The following KIFBP variants were observed in gnomAD, a reference collection of about 807,000 sequenced individuals.
KIFBP encodes the protein kinesin family binding protein.
KIFBP carries 46 observed loss-of-function variants against 58.9 expected under a neutral mutation model. That is an observed-to-expected ratio of 0.78 (90% CI 0.62 to 1.00). The LOEUF (loss-of-function observed/expected upper bound fraction) is 1.00. Among genes scored for constraint, KIFBP ranks in the 50% least tolerant of loss-of-function variants. The probability of loss-of-function intolerance (pLI) is 0.00; values close to 1 mark genes in which losing one functional copy is unlikely to be tolerated. For missense variants in KIFBP, 651 were observed against 752.9 expected, an observed-to-expected ratio of 0.86 and a Z score of 1.58; for synonymous variants, 241 against 283.4, an observed-to-expected ratio of 0.85 and a Z score of 1.50.
intron 1 of KIFBP, among the ~76,000 whole-genome samples, chr10:68,999,413 T>A (rs77379383): frequency 0.37 from 55,624 of 149,894 alleles, 11,336 homozygotes; most frequent in Non-Finnish European, 0.48. Context: ...CTTTTTTTTT[T>A]AAAAAAAAAG....
At chr10:69,005,961 A>G in intron 4 of KIFBP, 46 bp downstream of exon 4, 1 of 1,520,708 alleles carries the variant, frequency 6.6e-7, no homozygotes, top group South Asian at 1.1e-5. Context: ...AATAGTGAGT[A>G]TAAAAATAGA....
At position 68,988,838 on chromosome 10, in the gene KIFBP, G is replaced by T. The variant is rs370609098; in HGVS notation, c.6G>T (p.Ala2=). M[A]NVPWAEVCEK... Reference sequence around the variant, plus strand: ...GCCAGGCAGTAGAGGCCGCTATGGCGAACGTTCCGTGGGCAGAGGTCTGCG... The same window carrying T: ...GCCAGGCAGTAGAGGCCGCTATGGCTAACGTTCCGTGGGCAGAGGTCTGCG... The change falls in exon 1 of 7, where the codon GCG becomes GCT. Residue 2 remains alanine (A), a synonymous_variant. Transcript: ENST00000361983. 5.6e-6 allele frequency: 9 copies of T among 1,614,144 alleles called. No individual in the cohort carries two copies. The African/African-American group carries it at 1.1e-4, about 19-fold the overall frequency.
chr10:69,005,851 A>G lies in KIFBP; in HGVS notation c.725A>G (p.Asn242Ser). 1.9e-6 allele frequency: 3 copies of G among 1,614,134 alleles called. No individual in the cohort carries two copies. Among genetic ancestry groups the G allele is most frequent in the Non-Finnish European group, 2.5e-6 (3 of 1,180,010 alleles). ...ACACTAAAACGCCAGCTTGAGCACA[A>G]TGCCTACCATCCTATAGAGTGGGCT... ...HSTLKRQLEH[N>S]AYHPIEWAIN... The change falls in exon 4 of 7, where the codon AAT (asparagine) becomes AGT (serine). Residue 242 changes from asparagine (N) to serine (S), a missense_variant. By Grantham distance (46) the Asn-to-Ser change is conservative. Transcript: ENST00000361983.
intron 1 of KIFBP, among the ~76,000 whole-genome samples, chr10:68,996,076 A>G (rs566944777): frequency 6.6e-6 from 1 of 152,000 alleles, no homozygotes; most frequent in South Asian, 2.1e-4. Context: ...AAGAATCGCT[A>G]GAACCCGGGA....
intron 5 of KIFBP, 119 bp downstream of exon 5, chr10:69,009,044 C>T (rs1306537605): frequency 4.0e-6 from 3 of 744,920 alleles, no homozygotes; most frequent in African/African-American, 3.6e-5. Flanking sequence ...CTAAATGCAC[C>T]AATTTTTAGT....
chr10:68,993,980 A>G (rs1444147506), intron 1 of KIFBP, among the ~76,000 whole-genome samples: 4 of 152,190 alleles, frequency 2.6e-5, no homozygotes, highest in African/African-American at 9.7e-5. Context: ...AGTTATTGCC[A>G]TTTCTTAAGT....
chr10:68,998,657 G>T (rs1589294627), intron 1 of KIFBP, among the ~76,000 whole-genome samples: 1 of 150,860 alleles, frequency 6.6e-6, no homozygotes, highest in East Asian at 1.9e-4. Flanking sequence ...ATGGTAGAAG[G>T]CCAGCCTCAG....
At chr10:69,007,899 T>G (rs1843551135) in intron 4 of KIFBP, 2 of 152,174 alleles carry the variant, frequency 1.3e-5, no homozygotes, top group Non-Finnish European at 2.9e-5. Flanking sequence ...CTTCTCTAAT[T>G]GTTTGAGAAG....
At chr10:69,008,186 G>A (rs1057378196) in intron 4 of KIFBP, among the ~76,000 whole-genome samples, 15 of 151,568 alleles carry the variant, frequency 9.9e-5, no homozygotes, top group Middle Eastern at 3.4e-3. Context: ...CACCCTGGGA[G>A]GCCAAGGTGG....
chr10:69,011,412 T>A lies in KIFBP; in HGVS notation c.990+397T>A, dbSNP rs1843589161. The A allele has an allele frequency of 5.2e-5, 9 of 172,322 alleles. No individual in the cohort carries two copies. The South Asian group carries it at 8.3e-4, about 16-fold the overall frequency. 10.7% of individuals were successfully genotyped at this position (172,322 alleles called of 1,614,324 possible). A position where few individuals can be genotyped will look rare whatever the true frequency, so the allele number is the denominator to read the frequency against. ...ATCATATTCTTTTTTTTTTTTTTTT[T>A]AGACAGGCTCTCGCTCTGTTTCCCA... On this transcript the variant is annotated intron_variant, in intron 6 of 6. Transcript: ENST00000361983.
chr10:69,015,753 C>G lies in KIFBP; in HGVS notation c.1203C>G (p.His401Gln). 2 of 1,614,172 alleles carry G rather than the reference C, an allele frequency of 1.2e-6. No homozygotes were observed. Among genetic ancestry groups the G allele is most frequent in the Non-Finnish European group, 1.7e-6 (2 of 1,180,028 alleles). ...GAGAACTTTTCTTATTGGGTCAGCA[C>G]TATGTCTTTGAGGCAAAAGAGTTCT... ...EARELFLLGQ[H>Q]YVFEAKEFFQ... is the part of the protein sequence containing the mutation. Residue 401 changes from histidine to glutamine, a missense_variant, in exon 7 of 7, where the codon CAC becomes CAG. Coordinates refer to ENST00000361983, the MANE Select transcript of KIFBP (RefSeq NM_015634.4).
chr10:68,988,950 C>T lies in KIFBP; in HGVS notation c.118C>T (p.Arg40Trp), dbSNP rs749960762. ...ACCATACAAGTCCAAATACAGCGCCCGGGCGCTACTGGAAGAGGTCAAGGC... is the reference window on the plus strand; with the variant it reads ...ACCATACAAGTCCAAATACAGCGCCTGGGCGCTACTGGAAGAGGTCAAGGC... ...KEPYKSKYSARALLEEVKALL... is the reference protein window; with the variant it reads ...KEPYKSKYSAWALLEEVKALL... Residue 40 changes from arginine to tryptophan, a missense_variant, in exon 1 of 7, where the codon CGG becomes TGG. Transcript: ENST00000361983. The T allele has an allele frequency of 6.2e-7, 1 of 1,614,214 alleles. No individual in the cohort carries two copies. The highest frequency in any genetic ancestry group is 8.5e-7 in the Non-Finnish European group (1 of 1,180,032).
chr10:68,990,937 T>C (rs2132105624), intron 1 of KIFBP, among the ~76,000 whole-genome samples: 1 of 151,950 alleles, frequency 6.6e-6, no homozygotes, highest in East Asian at 2.0e-4. Flanking sequence ...AAATTGGCAA[T>C]ATGAAGAGGG....
chr10:68,999,069 C>T (rs1018493069), intron 1 of KIFBP, among the ~76,000 whole-genome samples: 1 of 151,102 alleles, frequency 6.6e-6, no homozygotes, highest in Non-Finnish European at 1.5e-5. Context: ...GTGTGAGCCA[C>T]TGTGCCGGGC....
chr10:69,006,556 C>T (rs539222927), intron 4 of KIFBP, among the ~76,000 whole-genome samples: 8 of 152,236 alleles, frequency 5.3e-5, no homozygotes, highest in East Asian at 1.9e-4. Context: ...CCCATTTATT[C>T]CTTTAATCCT....
intron 6 of KIFBP, among the ~76,000 whole-genome samples, chr10:69,012,682 A>G (rs921810980): frequency 2.0e-5 from 3 of 152,084 alleles, no homozygotes; most frequent in Non-Finnish European, 2.9e-5. Context: ...ACTTGAGCCC[A>G]TGAGTTTGAG....
intron 4 of KIFBP, chr10:69,006,817 C>G (rs956670990): frequency 5.3e-5 from 8 of 152,056 alleles, no homozygotes; most frequent in African/African-American, 1.9e-4. Context: ...TAAATGCGCC[C>G]GATGATTAAA....
At chr10:69,004,907 T>C in intron 2 of KIFBP, 139 bp from the exon 3 acceptor site, 1 of 653,356 alleles carries the variant, frequency 1.5e-6, no homozygotes, top group East Asian at 2.8e-5. Flanking sequence ...AAATTACTTC[T>C]TGAGTAACAT....
intron 1 of KIFBP, 99 bp from the exon 2 acceptor site, chr10:69,000,325 C>G (rs1382753584): frequency 1.3e-6 from 1 of 782,712 alleles, no homozygotes; most frequent in Non-Finnish European, 2.3e-6. Flanking sequence ...TCCAACTCTA[C>G]TATTTGGTTG....
Sources: allele counts gnomAD v4.1 joint callset (sites outside exome capture counted in the v4.1 genomes callset), GRCh38; gene constraint gnomAD v4.1.1; transcripts MANE v1.5; gene names NCBI Gene and HGNC (gene_info 2026-07-23, HGNC 2026-07-21).